MICAL2: variants seen among roughly 807,000 people sequenced by gnomAD.
MICAL2 encodes the protein microtubule associated monooxygenase, calponin and LIM domain containing 2, also known as [F-actin]-monooxygenase MICAL2.
A neutral mutation model predicts 127.3 loss-of-function variants in MICAL2; 77 were observed. The ratio of observed to expected loss-of-function variants is 0.60; its 90% CI spans 0.50 to 0.73. The LOEUF is 0.73. Ranked by LOEUF, MICAL2 falls within the 30% of genes least tolerant of loss-of-function variation. The pLI, the probability that MICAL2 is intolerant of heterozygous loss-of-function variation, is 0.00. For synonymous variants in MICAL2, 570 were observed against 551.1 expected, an observed-to-expected ratio of 1.03 and a Z score of -0.48; for missense variants, 1,351 against 1,434.4, an observed-to-expected ratio of 0.94 and a Z score of 0.94.
intron 2 of MICAL2, among the ~76,000 whole-genome samples, chr11:12,156,471 C>G (rs934042300): frequency 6.6e-6 from 1 of 152,174 alleles, no homozygotes; most frequent in African/African-American, 2.4e-5. Flanking sequence ...GTGGAGCAGG[C>G]AGCCCCAGGA....
chr11:12,122,226 G>T (rs1175561375), intron 1 of MICAL2, among the ~76,000 whole-genome samples: 1 of 152,158 alleles, frequency 6.6e-6, no homozygotes, highest in Non-Finnish European at 1.5e-5. Flanking sequence ...AGGATTAAAT[G>T]GGGTAATGGG....
Position 12,221,450 on chromosome 11 carries a change from T to C in MICAL2, c.1207-194T>C, listed in dbSNP as rs112188550. Among the ~76,000 whole-genome samples, 591 of 152,344 alleles carry C rather than the reference T, an allele frequency of 3.9e-3. 6 individuals carry two copies. Among genetic ancestry groups the C allele is most frequent in the African/African-American group, 0.013 (533 of 41,586 alleles). ...TTGCTATGCCTGCGTCATAGCACCCTTTACATTTAACCTTCTGCTATAGTT... is the reference window on the plus strand; with the variant it reads ...TTGCTATGCCTGCGTCATAGCACCCCTTACATTTAACCTTCTGCTATAGTT... On this transcript the variant is annotated intron_variant, in intron 9 of 27. Coordinates refer to ENST00000683283, the MANE Select transcript of MICAL2 (RefSeq NM_001282663.2).
chr11:12,297,516 T>C (rs1864000513), intron 29 of MICAL2, among the ~76,000 whole-genome samples: 2 of 152,116 alleles, frequency 1.3e-5, no homozygotes, highest in Admixed American at 6.5e-5. Flanking sequence ...TTATGTAAAA[T>C]TTCTAGCTTT....
intron 31 of MICAL2, chr11:12,327,090 C>T: frequency 8.0e-7 from 1 of 1,245,384 alleles, no homozygotes; most frequent in Non-Finnish European, 1.2e-6. Context: ...GCCTCTTTCT[C>T]CTGGAAAGTA....
chr11:12,261,729 T>C lies in MICAL2; in HGVS notation c.3335-751T>C, dbSNP rs192484445. 1,493 of 985,468 alleles carry C rather than the reference T, an allele frequency of 1.5e-3. 4 individuals are homozygous for C. Among genetic ancestry groups the C allele is most frequent in the Middle Eastern group, 4.7e-3 (9 of 1,914 alleles). 61.0% of individuals were successfully genotyped at this position (985,468 alleles called of 1,614,324 possible). The stretch of plus-strand genomic sequence containing the variant: ...TTCTACAAACACTTCCCTGAAATCC[T>C]TGGGAAAAACAGAGGCATGGCCGTG... On this transcript the variant is annotated intron_variant, in intron 26 of 27. Coordinates refer to ENST00000683283, the MANE Select transcript of MICAL2 (RefSeq NM_001282663.2).
chr11:12,334,192 C>G (rs1255871760), intron 32 of MICAL2, among the ~76,000 whole-genome samples: 1 of 151,996 alleles, frequency 6.6e-6, no homozygotes, highest in Non-Finnish European at 1.5e-5. Context: ...TTCCAGAACC[C>G]CTGAAGATAC....
chr11:12,360,057 TA>T, downstream of MICAL2, among the ~76,000 whole-genome samples: 1 of 151,716 alleles, frequency 6.6e-6, no homozygotes, highest in East Asian at 1.9e-4. Context: ...CTTTCTATGT[TA>T]TAGCAAGTTC....
At chr11:12,228,116 G>C (rs1857712049) in intron 15 of MICAL2, among the ~76,000 whole-genome samples, 1 of 152,200 alleles carries the variant, frequency 6.6e-6, no homozygotes, top group Non-Finnish European at 1.5e-5. Flanking sequence ...ATCACCTGAG[G>C]TCAGGAGTTT....
At chr11:12,168,241 CAT>C (rs1482209579) in intron 3 of MICAL2, among the ~76,000 whole-genome samples, 24 of 150,938 alleles carry the variant, frequency 1.6e-4, no homozygotes, top group Middle Eastern at 3.4e-3. Flanking sequence ...ACCACACACA[CAT>C]ACACACATAG....
At chr11:12,184,032 G>T (rs1013718955) in intron 3 of MICAL2, among the ~76,000 whole-genome samples, 1 of 152,158 alleles carries the variant, frequency 6.6e-6, no homozygotes, top group Non-Finnish European at 1.5e-5. Context: ...CACTCGCCTT[G>T]GTTTCCCAAA....
At chr11:12,141,132 C>A (rs1238121722) in intron 2 of MICAL2, among the ~76,000 whole-genome samples, 1 of 152,162 alleles carries the variant, frequency 6.6e-6, no homozygotes, top group Non-Finnish European at 1.5e-5. Flanking sequence ...CATCTTTCTT[C>A]GAGTCTGCAA....
At chr11:12,157,625 T>C (rs1000370638) in intron 2 of MICAL2, among the ~76,000 whole-genome samples, 3 of 152,050 alleles carry the variant, frequency 2.0e-5, no homozygotes, top group Non-Finnish European at 4.4e-5. Context: ...ATATCAAACC[T>C]CAAAAGGGCA....
intron 1 of MICAL2, among the ~76,000 whole-genome samples, chr11:12,122,434 A>G (rs529530690): frequency 6.6e-6 from 1 of 152,248 alleles, no homozygotes; most frequent in African/African-American, 2.4e-5. Context: ...TTTTAAAGAC[A>G]AGAGTCTCAC....
chr11:12,272,962 G>A (rs1054724057), upstream of MICAL2, among the ~76,000 whole-genome samples: 1 of 152,216 alleles, frequency 6.6e-6, no homozygotes, highest in African/African-American at 2.4e-5. Flanking sequence ...CCATGGGGCA[G>A]GGCTATACAC....
intron 3 of MICAL2, among the ~76,000 whole-genome samples, chr11:12,170,258 C>T (rs755447562): frequency 2.6e-5 from 4 of 151,950 alleles, no homozygotes; most frequent in African/African-American, 7.3e-5. Context: ...GAGACCAGCC[C>T]GGGCAATATG....
At chr11:12,170,085 T>G (rs956602276) in intron 3 of MICAL2, among the ~76,000 whole-genome samples, 1 of 152,110 alleles carries the variant, frequency 6.6e-6, no homozygotes, top group African/African-American at 2.4e-5. Flanking sequence ...ACAACAGTTT[T>G]ATTACCACCA....
intron 29 of MICAL2, among the ~76,000 whole-genome samples, chr11:12,305,501 A>ATT (rs35653453): frequency 4.6e-5 from 7 of 151,884 alleles, no homozygotes; most frequent in African/African-American, 7.3e-5. Flanking sequence ...TTACTACTAC[A>ATT]TTTTTTTACT....
chr11:12,219,323 T>C (rs1392634847), intron 8 of MICAL2, among the ~76,000 whole-genome samples: 1 of 152,082 alleles, frequency 6.6e-6, no homozygotes. Context: ...GTTTCATTGC[T>C]AGTGTCCCTC....
intron 3 of MICAL2, among the ~76,000 whole-genome samples, chr11:12,178,652 A>G (rs1322874661): frequency 6.6e-6 from 1 of 152,208 alleles, no homozygotes; most frequent in Non-Finnish European, 1.5e-5. Context: ...TCCAAGTAAC[A>G]GGAGACTAGA....
Sources: gnomAD v4.1 joint callset for allele counts (sites outside exome capture counted in the v4.1 genomes callset) on GRCh38, gnomAD v4.1.1 for gene constraint, MANE v1.5 for transcripts, NCBI Gene and HGNC (gene_info 2026-07-23, HGNC 2026-07-21) for gene names.